WNT5B: variants seen among roughly 807,000 people sequenced by gnomAD.
WNT5B encodes protein Wnt-5b.
In WNT5B, 18 loss-of-function variants were observed where a neutral mutation model predicts 36.5. The ratio of observed to expected loss-of-function variants is 0.49; its 90% CI spans 0.34 to 0.73. The LOEUF (loss-of-function observed/expected upper bound fraction) is 0.73. Among genes scored for constraint, WNT5B ranks in the 30% least tolerant of loss-of-function variants. The pLI, the probability that WNT5B is intolerant of heterozygous loss-of-function variation, is 0.01. For synonymous variants in WNT5B, 213 were observed against 212.3 expected, an observed-to-expected ratio of 1.00 and a Z score of -0.03; for missense variants, 424 against 508.4, an observed-to-expected ratio of 0.83 and a Z score of 1.60.
At chr12:1,639,241 C>A (rs554206349) in intron 3 of WNT5B, among the ~76,000 whole-genome samples, 4,505 of 151,026 alleles carry the variant, frequency 0.03, 86 homozygotes, top group Middle Eastern at 0.065. Context: ...GGGTTCACGC[C>A]ATTCTCCTGC....
chr12:1,640,070 G>C (rs1301044945), intron 4 of WNT5B, 94 bp downstream of exon 4: 1 of 1,409,772 alleles, frequency 7.1e-7, no homozygotes, highest in Non-Finnish European at 9.5e-7. Context: ...TCAAGGAAAC[G>C]GGTTAGTCTG....
intron 3 of WNT5B, among the ~76,000 whole-genome samples, chr12:1,636,999 C>T (rs553717565): frequency 1.6e-3 from 236 of 152,162 alleles, no homozygotes; most frequent in Non-Finnish European, 2.5e-3. Context: ...TGAGCCACCA[C>T]GCCCAGCTTA....
chr12:1,641,805 T>C (rs1293083083), intron 4 of WNT5B, among the ~76,000 whole-genome samples: 1 of 151,110 alleles, frequency 6.6e-6, no homozygotes, highest in Non-Finnish European at 1.5e-5. Flanking sequence ...CAGAAAAAAA[T>C]AGAAAGAAAA....
intron 2 of WNT5B, 147 bp downstream of exon 2, chr12:1,631,581 GCT>G (rs1251215744): frequency 1.1e-5 from 14 of 1,286,240 alleles, no homozygotes; most frequent in South Asian, 2.9e-5. Flanking sequence ...AACTAAGAAC[GCT>G]CTGTGTCTCT....
chr12:1,639,584 C>T, intron 3 of WNT5B, 100 bp from the exon 4 acceptor site: 1 of 1,332,274 alleles, frequency 7.5e-7, no homozygotes. Context: ...GGGGTGTCAG[C>T]AGAGCCGTGG....
chr12:1,641,531 G>A (rs561739871), intron 4 of WNT5B, among the ~76,000 whole-genome samples: 8 of 152,042 alleles, frequency 5.3e-5, no homozygotes, highest in South Asian at 4.2e-4. Context: ...GGCGGGGCAC[G>A]GTGGCTGATG....
Position 1,618,940 on chromosome 12 carries a change from G to A in WNT5B, c.-58+1797G>A, listed in dbSNP as rs909564480. Among the ~76,000 whole-genome samples, 4 of 152,134 alleles carry A rather than the reference G, an allele frequency of 2.6e-5. No individual in the cohort carries two copies. The highest frequency in any genetic ancestry group is 9.7e-5 in the African/African-American group (4 of 41,434). ...TTTTAGTGTGAAGGCCTCAGGAATT[G>A]TTTCTGCGCTCCTGCCACCCTGCAC... On this transcript the variant is annotated intron_variant, in intron 1 of 4. Transcript: ENST00000310594. The surrounding 1 kb of genome is among the most constrained non-coding windows in gnomAD (Gnocchi z 4.1).
At position 1,630,123 on chromosome 12, in the gene WNT5B, G is replaced by C. The variant is rs1194029559; in HGVS notation, c.-58+752G>C. The C allele has an allele frequency of 1.0e-6, 1 of 985,404 alleles. No homozygotes were observed. Among genetic ancestry groups the C allele is most frequent in the African/African-American group, 1.7e-5 (1 of 57,222 alleles). The allele number at this position is 985,404 out of a possible 1,614,324, so 61.0% of individuals were successfully genotyped here. A position where few individuals can be genotyped will look rare whatever the true frequency, so the allele number is the denominator to read the frequency against. ...GGCCCCAGGACAAAAATACTTCCCG[G>C]GCTGATGACCCGAAGCACCCGCCGC... is the stretch of plus-strand genomic sequence containing the variant. On this transcript the variant is annotated intron_variant, in intron 1 of 4. Transcript: ENST00000397196. The surrounding 1 kb of genome is among the most constrained non-coding windows in gnomAD (Gnocchi z 5.3).
chr12:1,637,749 C>CAA (rs35102133), intron 3 of WNT5B, among the ~76,000 whole-genome samples: 15 of 118,030 alleles, frequency 1.3e-4, no homozygotes, highest in African/African-American at 2.8e-4. Context: ...GACTCTGTCT[C>CAA]AAAAAAAAAA....
At chr12:1,636,835 C>T (rs2094562702) in intron 3 of WNT5B, among the ~76,000 whole-genome samples, 3 of 152,040 alleles carry the variant, frequency 2.0e-5, no homozygotes, top group Admixed American at 2.0e-4. Flanking sequence ...TCTGTCTCAG[C>T]CTCCTGAGTA....
At chr12:1,631,465 A>G (rs1315858800) in intron 2 of WNT5B, 31 bp downstream of exon 2, 1 of 1,613,648 alleles carries the variant, frequency 6.2e-7, no homozygotes, top group Non-Finnish European at 8.5e-7. Flanking sequence ...TCCTGCCTGC[A>G]CAGCCGGAGG....
rs900851524 is a variant in WNT5B at position 1,630,350 on chromosome 12, C to A, written c.-57-948C>A. On this transcript the variant is annotated intron_variant, in intron 1 of 4. Coordinates refer to ENST00000397196, the MANE Select transcript of WNT5B (RefSeq NM_032642.3). The surrounding 1 kb of genome is among the most constrained non-coding windows in gnomAD (Gnocchi z 5.3). ...GCAGGCTCGCTCTAGCAGCACTGAC[C>A]TGCTGCGGGTCCCAGGGCCTGGGGA... 3 of 551,254 alleles carry A rather than the reference C, an allele frequency of 5.4e-6. No individual in the cohort carries two copies. Among genetic ancestry groups the A allele is most frequent in the African/African-American group, 4.1e-5 (2 of 49,016 alleles). 34.1% of individuals were successfully genotyped at this position (551,254 alleles called of 1,614,324 possible). A position where few individuals can be genotyped will look rare whatever the true frequency, so the allele number is the denominator to read the frequency against.
rs2094586158 is a variant in WNT5B at position 1,646,638 on chromosome 12, T to C, written c.*386T>C. 6.4e-6 allele frequency: 1 copy of C among 155,772 alleles called. No individual in the cohort carries two copies. The highest frequency in any genetic ancestry group is 1.4e-5 in the Non-Finnish European group (1 of 70,328). 9.6% of individuals were successfully genotyped at this position (155,772 alleles called of 1,614,324 possible). ...GAGGACTGCCTGTGATCCTGGCCAC[T>C]AGGCCAAGAGGCCCTATGAAGGTGG... On this transcript the variant is annotated 3_prime_UTR_variant, in exon 5 of 5. Coordinates refer to ENST00000397196, the MANE Select transcript of WNT5B (RefSeq NM_032642.3).
At chr12:1,623,187 G>GTTGTTTTTTTTTTTT (rs1555156806) in intron 1 of WNT5B, among the ~76,000 whole-genome samples, 6 of 58,380 alleles carry the variant, frequency 1.0e-4, no homozygotes, top group African/African-American at 4.3e-4. Context: ...GTTTTTTGTT[G>GTTGTTTTTTTTTTTT]TTTTTTTTTT....
rs568733944 is a variant in WNT5B at position 1,633,676 on chromosome 12, A to T, written c.328+771A>T. 6.6e-6 allele frequency among the ~76,000 whole-genome samples: 1 copy of T among 152,224 alleles called. No homozygotes were observed. Among genetic ancestry groups the T allele is most frequent in the Non-Finnish European group, 1.5e-5 (1 of 68,044 alleles). On this transcript the variant is annotated intron_variant, in intron 3 of 4. Coordinates refer to ENST00000397196, the MANE Select transcript of WNT5B (RefSeq NM_032642.3). The surrounding 1 kb of genome is among the most constrained non-coding windows in gnomAD (Gnocchi z 4.8). ...CCCTATTCTACTGGGTCTTATCCCCAGGGCCATAAAAGGGAAGTGTTAGAA... is the reference window on the plus strand; with the variant it reads ...CCCTATTCTACTGGGTCTTATCCCCTGGGCCATAAAAGGGAAGTGTTAGAA...
In WNT5B at chr12:1,646,157, G is replaced by A. The variant is rs759111206; in HGVS notation, c.985G>A (p.Val329Met). 40 of 1,613,674 alleles carry A rather than the reference G, an allele frequency of 2.5e-5. No individual in the cohort carries two copies. Among genetic ancestry groups the A allele is most frequent in the East Asian group, 2.2e-4 (10 of 44,906 alleles). The change falls in exon 5 of 5, where the codon GTG (valine) becomes ATG (methionine). Residue 329 changes from valine (V) to methionine (M), a missense_variant. Coordinates refer to ENST00000397196, the MANE Select transcript of WNT5B (RefSeq NM_032642.3). ...CGRGYNQFKS[V>M]QVERCHCKFH... ...GCGTGGCTACAACCAGTTCAAGAGC[G>A]TGCAGGTGGAGCGCTGCCACTGCAA...
intron 1 of WNT5B, among the ~76,000 whole-genome samples, chr12:1,619,822 C>T (rs530876492): frequency 6.6e-6 from 1 of 152,258 alleles, no homozygotes; most frequent in African/African-American, 2.4e-5. Context: ...ACAGAACTCC[C>T]TCCCACCAGC....
At chr12:1,642,531 G>A (rs968267675) in intron 4 of WNT5B, among the ~76,000 whole-genome samples, 11 of 152,166 alleles carry the variant, frequency 7.2e-5, no homozygotes, top group Non-Finnish European at 1.5e-4. Flanking sequence ...GCTGTATGTG[G>A]GTGGGACAAA....
intron 1 of WNT5B, among the ~76,000 whole-genome samples, chr12:1,622,263 A>G (rs560475026): frequency 6.6e-6 from 1 of 152,080 alleles, no homozygotes; most frequent in South Asian, 2.1e-4. Context: ...GGCGCCCGCC[A>G]CCACGCCCGG....
Sources: allele counts gnomAD v4.1 joint callset (sites outside exome capture counted in the v4.1 genomes callset), GRCh38; gene constraint gnomAD v4.1.1; non-coding constraint Gnocchi (gnomAD v3.1); transcripts MANE v1.5; gene names NCBI Gene and HGNC (gene_info 2026-07-23, HGNC 2026-07-21).